Variants in DYNC1I1 observed in about 807,000 individuals in gnomAD.
DYNC1I1 encodes the protein dynein cytoplasmic 1 intermediate chain 1.
DYNC1I1 carries 43 observed loss-of-function variants against 86.6 expected under a neutral mutation model. The observed-to-expected ratio is 0.50, with a 90% CI of 0.39 to 0.64. The LOEUF is 0.64. Ranked by LOEUF, DYNC1I1 falls within the 30% of genes least tolerant of loss-of-function variation. DYNC1I1 has a pLI of 0.00. For synonymous variants in DYNC1I1, 262 were observed against 283.7 expected (o/e 0.92, Z 0.77); for missense variants, 604 against 788.8 (o/e 0.77, Z 2.81).
At position 95,954,915 on chromosome 7, in the gene DYNC1I1, C is replaced by CAAAAAAAAAA. The variant is rs58435060; in HGVS notation, c.491-22583_491-22574dup. On this transcript the variant is annotated intron_variant, in intron 6 of 16. Coordinates refer to ENST00000447467, the MANE Select transcript of DYNC1I1 (RefSeq NM_001135556.2). ...TGGGCAACAGAGCAAGACTCTGTCT[C>CAAAAAAAAAA]AAAAAAAAAAAAAAAAAAAAAAAGA... Among the ~76,000 whole-genome samples, 196 of 81,844 alleles carry CAAAAAAAAAA rather than the reference C, an allele frequency of 2.4e-3. 6 individuals are homozygous for CAAAAAAAAAA. Among genetic ancestry groups the CAAAAAAAAAA allele is most frequent in the African/African-American group, 8.2e-3 (175 of 21,360 alleles). 53.7% of individuals were successfully genotyped at this position (81,844 alleles called of 152,430 possible).
Position 96,035,683 on chromosome 7 carries a change from C to T in DYNC1I1, c.1295C>T (p.Thr432Met), listed in dbSNP as rs370220914. 99 of 1,611,458 alleles carry T rather than the reference C, an allele frequency of 6.1e-5. No homozygotes were observed. The highest frequency in any genetic ancestry group is 1.1e-4 in the East Asian group (5 of 44,724). ...PVAVTGMAFP[T>M]GDVNNFVVGS... The stretch of plus-strand genomic sequence containing the variant: ...GCTGTTACCGGAATGGCTTTCCCAA[C>T]GGGAGACGTCAATAACTTCGTGGTT... The change falls in exon 13 of 17, where the codon ACG becomes ATG. Residue 432 changes from threonine to methionine, a missense_variant. Coordinates refer to ENST00000447467, the MANE Select transcript of DYNC1I1 (RefSeq NM_001135556.2).
chr7:95,812,829 C>A (rs1315982820), intron 3 of DYNC1I1, among the ~76,000 whole-genome samples: 2 of 152,186 alleles, frequency 1.3e-5, no homozygotes, highest in Non-Finnish European at 2.9e-5. Context: ...ATTTAATAAC[C>A]TTTTAAAGTT....
chr7:96,012,033 A>G (rs956434969), intron 10 of DYNC1I1, among the ~76,000 whole-genome samples: 2 of 152,190 alleles, frequency 1.3e-5, no homozygotes, highest in Non-Finnish European at 2.9e-5. Context: ...TGCCAAAACT[A>G]TCCTGAAATT....
chr7:96,014,073 G>A (rs371516109), intron 10 of DYNC1I1, among the ~76,000 whole-genome samples: 42 of 152,240 alleles, frequency 2.8e-4, no homozygotes, highest in African/African-American at 8.9e-4. Flanking sequence ...CCTCTGACCA[G>A]AGCAGGAAAC....
chr7:95,782,721 ATCAGG>A (rs1271659347), intron 1 of DYNC1I1, among the ~76,000 whole-genome samples: 1 of 152,172 alleles, frequency 6.6e-6, no homozygotes, highest in African/African-American at 2.4e-5. Context: ...TCCAGGAAGA[ATCAGG>A]TCACACATGG....
rs1791076752 is a variant in DYNC1I1, at chr7:96,098,389, A to G, written c.*796A>G. The G allele has an allele frequency of 2.0e-6, 2 of 985,546 alleles. No individual in the cohort carries two copies. Among genetic ancestry groups the G allele is most frequent in the Non-Finnish European group, 2.4e-6 (2 of 829,944 alleles). 61.1% of individuals were successfully genotyped at this position (985,546 alleles called of 1,614,324 possible). A position where few individuals can be genotyped will look rare whatever the true frequency, so the allele number is the denominator to read the frequency against. ...TGACAAAAGTCTATGGTTCCTAAATATGACATCAGTGTTGCCAATAAAATG... is the reference window on the plus strand; with the variant it reads ...TGACAAAAGTCTATGGTTCCTAAATGTGACATCAGTGTTGCCAATAAAATG... On this transcript the variant is annotated 3_prime_UTR_variant, in exon 17 of 17. Coordinates refer to ENST00000447467, the MANE Select transcript of DYNC1I1 (RefSeq NM_001135556.2).
intron 10 of DYNC1I1, among the ~76,000 whole-genome samples, chr7:96,007,344 C>T (rs1794165802): frequency 6.6e-6 from 1 of 152,176 alleles, no homozygotes; most frequent in Non-Finnish European, 1.5e-5. Flanking sequence ...AGGGATCCAA[C>T]AGTGTTGAAT....
At chr7:95,919,636 G>A (rs1456523275) in intron 6 of DYNC1I1, among the ~76,000 whole-genome samples, 1 of 152,178 alleles carries the variant, frequency 6.6e-6, no homozygotes, top group Admixed American at 6.5e-5. Context: ...TGTCCTCTCT[G>A]TGTGAGCTGT....
intron 9 of DYNC1I1, 111 bp from the exon 10 acceptor site, chr7:95,995,837 A>T: frequency 7.0e-7 from 1 of 1,433,866 alleles, no homozygotes; most frequent in Non-Finnish European, 9.3e-7. Context: ...CCACAACATA[A>T]CAGAAAGCAC....
At chr7:96,023,380 C>T (rs1366995755) in intron 10 of DYNC1I1, among the ~76,000 whole-genome samples, 1 of 152,138 alleles carries the variant, frequency 6.6e-6, no homozygotes, top group African/African-American at 2.4e-5. Context: ...AGGTCACAGG[C>T]AACCAGATCA....
rs140953831 is a variant in DYNC1I1, at chr7:95,986,338, A to G, written c.744-718A>G. ...TAGTTCCTGGTCCAGAACAAACATT[A>G]CTCGATGTAAATACTCAGCTTGTGG... On this transcript the variant is annotated intron_variant, in intron 8 of 16. Transcript: ENST00000447467. Among the ~76,000 whole-genome samples, 363 of 152,204 alleles carry G rather than the reference A, an allele frequency of 2.4e-3. 2 individuals carry two copies. Among genetic ancestry groups the G allele is most frequent in the Admixed American group, 4.4e-3 (67 of 15,276 alleles).
chr7:95,861,780 GA>G (rs1169250196), intron 5 of DYNC1I1, among the ~76,000 whole-genome samples: 1 of 152,164 alleles, frequency 6.6e-6, no homozygotes, highest in Non-Finnish European at 1.5e-5. Flanking sequence ...GAAGTCATGC[GA>G]AGGTGTTCTG....
At chr7:95,988,148 G>A (rs749353792) in intron 9 of DYNC1I1, among the ~76,000 whole-genome samples, 2 of 152,118 alleles carry the variant, frequency 1.3e-5, no homozygotes, top group African/African-American at 4.8e-5. Context: ...AGGCCAAGGC[G>A]GGTGGATCGC....
chr7:95,855,077 C>T (rs1789684082), intron 5 of DYNC1I1, among the ~76,000 whole-genome samples: 1 of 152,192 alleles, frequency 6.6e-6, no homozygotes, highest in African/African-American at 2.4e-5. Flanking sequence ...TTTTCATTAG[C>T]ATCCTTTTCT....
At chr7:95,949,131 G>T (rs1221491337) in intron 6 of DYNC1I1, among the ~76,000 whole-genome samples, 1 of 152,114 alleles carries the variant, frequency 6.6e-6, no homozygotes, top group South Asian at 2.1e-4. Context: ...TGGACTTCAA[G>T]GAGAAATTAA....
intron 6 of DYNC1I1, among the ~76,000 whole-genome samples, chr7:95,971,120 T>A (rs1793158454): frequency 6.6e-6 from 1 of 152,148 alleles, no homozygotes; most frequent in Non-Finnish European, 1.5e-5. Context: ...GAGGTGCCCC[T>A]GAGATGATCA....
intron 13 of DYNC1I1, among the ~76,000 whole-genome samples, chr7:96,037,898 G>C (rs1187479149): frequency 6.6e-6 from 1 of 152,076 alleles, no homozygotes; most frequent in Non-Finnish European, 1.5e-5. Context: ...GGGTCATATA[G>C]GTCTATGGGG....
intron 1 of DYNC1I1, among the ~76,000 whole-genome samples, chr7:95,797,377 C>T (rs575931021): frequency 9.9e-5 from 15 of 152,258 alleles, no homozygotes; most frequent in African/African-American, 3.4e-4. Context: ...AAAGTTTGAG[C>T]TTTCAAGCAA....
chr7:95,916,710 C>T (rs1791477457), intron 6 of DYNC1I1, among the ~76,000 whole-genome samples: 1 of 152,050 alleles, frequency 6.6e-6, no homozygotes, highest in African/African-American at 2.4e-5. Context: ...TCTCTTAAAC[C>T]CAGTTTTGCC....
Sources: allele counts gnomAD v4.1 joint callset (sites outside exome capture counted in the v4.1 genomes callset), GRCh38; gene constraint gnomAD v4.1.1; transcripts MANE v1.5; gene names NCBI Gene and HGNC (gene_info 2026-07-23, HGNC 2026-07-21).